The following CSMD1 variants were observed in gnomAD, a reference collection of about 807,000 sequenced individuals.
The protein encoded by CSMD1 is CUB and Sushi multiple domains 1, also known as CUB and sushi domain-containing protein 1.
Under a neutral mutation model 417.5 loss-of-function variants are expected in CSMD1, and 213 were observed. The observed-to-expected ratio is 0.51, with a 90% CI of 0.46 to 0.57. CSMD1 has a LOEUF of 0.57. CSMD1 is among the 20% of genes least tolerant of loss of function. CSMD1 has a pLI of 0.00. For synonymous variants in CSMD1, 2,862 were observed against 1,736.8 expected (o/e 1.65, Z -16.11); for missense variants, 6,923 against 4,529.7 (o/e 1.53, Z -15.17).
intron 1 of CSMD1, among the ~76,000 whole-genome samples, chr8:4,908,473 C>G (rs917643429): frequency 1.3e-5 from 2 of 152,082 alleles, no homozygotes; most frequent in Non-Finnish European, 1.5e-5. Flanking sequence ...TTTTAGTATT[C>G]CAATGAATTT....
chr8:3,986,669 G>T (rs192369238), intron 5 of CSMD1, among the ~76,000 whole-genome samples: 7 of 152,178 alleles, frequency 4.6e-5, no homozygotes, highest in Admixed American at 4.6e-4. Flanking sequence ...AGATATGAGG[G>T]ACAGAGTGAA....
intron 2 of CSMD1, among the ~76,000 whole-genome samples, chr8:4,498,990 G>T (rs1483959789): frequency 1.3e-5 from 2 of 152,090 alleles, no homozygotes; most frequent in African/African-American, 4.8e-5. Context: ...TTAAAAAAAA[G>T]TAATTGAAAC....
At chr8:4,761,366 T>A (rs1319524767) in intron 1 of CSMD1, among the ~76,000 whole-genome samples, 4 of 123,198 alleles carry the variant, frequency 3.2e-5, no homozygotes, top group Non-Finnish European at 6.7e-5. Flanking sequence ...GAAATCGTGT[T>A]ACTTGGTGTG....
chr8:3,285,722 A>G (rs1005864914), intron 25 of CSMD1, among the ~76,000 whole-genome samples: 3 of 151,996 alleles, frequency 2.0e-5, no homozygotes, highest in Non-Finnish European at 4.4e-5. Flanking sequence ...AAAACAAAAA[A>G]TCTTATACAT....
intron 3 of CSMD1, among the ~76,000 whole-genome samples, chr8:4,107,374 G>C (rs912910384): frequency 1.3e-5 from 2 of 152,150 alleles, no homozygotes; most frequent in Admixed American, 6.5e-5. Flanking sequence ...AGAGGATAAA[G>C]TCCTCTCTAT....
intron 1 of CSMD1, among the ~76,000 whole-genome samples, chr8:4,821,197 G>A (rs993161627): frequency 1.3e-5 from 2 of 152,134 alleles, no homozygotes; most frequent in South Asian, 2.1e-4. Context: ...TGACATTCAG[G>A]TCACGTCATG....
Position 4,918,840 on chromosome 8 carries a change from T to G in CSMD1, c.85+75492A>C, listed in dbSNP as rs183333322. 2.7e-3 allele frequency among the ~76,000 whole-genome samples: 412 copies of G among 152,332 alleles called. 1 individual carries two copies. Among genetic ancestry groups the G allele is most frequent in the African/African-American group, 9.5e-3 (395 of 41,576 alleles). On this transcript the variant is annotated intron_variant, in intron 1 of 69. Coordinates refer to ENST00000635120, the MANE Select transcript of CSMD1 (RefSeq NM_033225.6). The stretch of plus-strand genomic sequence containing the variant: ...ATGTTTGTACATATATGCAGATATA[T>G]ATTGTTCATATAATCACCACACACA...
chr8:3,864,072 T>C (rs1419712225), intron 5 of CSMD1, among the ~76,000 whole-genome samples: 1 of 152,134 alleles, frequency 6.6e-6, no homozygotes, highest in African/African-American at 2.4e-5. Flanking sequence ...CCAGATAATA[T>C]TTAAGTAAAC....
At chr8:4,578,279 G>T (rs1036307773) in intron 2 of CSMD1, among the ~76,000 whole-genome samples, 2 of 147,484 alleles carry the variant, frequency 1.4e-5, no homozygotes, top group Non-Finnish European at 3.0e-5. Flanking sequence ...TCCTGCCTCA[G>T]CCTCCCGAGT....
chr8:3,760,055 G>A (rs1237398882), intron 5 of CSMD1, among the ~76,000 whole-genome samples: 3 of 152,088 alleles, frequency 2.0e-5, no homozygotes, highest in South Asian at 4.2e-4. Flanking sequence ...AACGGAGCTT[G>A]CCAGGTCAGG....
chr8:4,666,899 G>C (rs757371165), intron 1 of CSMD1, among the ~76,000 whole-genome samples: 11 of 151,798 alleles, frequency 7.2e-5, no homozygotes, highest in Non-Finnish European at 1.2e-4. Flanking sequence ...CCTGCTTTTT[G>C]TGTGTTACCT....
intron 1 of CSMD1, among the ~76,000 whole-genome samples, chr8:4,750,059 T>C (rs56197347): frequency 0.3 from 45,995 of 151,524 alleles, 7,173 homozygotes; most frequent in African/African-American, 0.38. Context: ...CAGGCTGGAG[T>C]GCAGTGGGCG....
intron 2 of CSMD1, among the ~76,000 whole-genome samples, chr8:4,567,446 C>T (rs1798666092): frequency 1.3e-5 from 2 of 152,168 alleles, no homozygotes; most frequent in Admixed American, 6.5e-5. Flanking sequence ...CCTACCTCGT[C>T]TCTTTTCTTG....
At position 3,610,467 on chromosome 8, in the gene CSMD1, C is replaced by T. The variant is rs186447089; in HGVS notation, c.1097+6243G>A. Among the ~76,000 whole-genome samples the T allele has an allele frequency of 9.3e-3, 413 of 44,358 alleles. 5 individuals are homozygous for T. The highest frequency in any genetic ancestry group is 0.065 in the Admixed American group (364 of 5,630). The allele number at this position is 44,358 out of a possible 152,430, so 29.1% of individuals were successfully genotyped here. Reference sequence around the variant, plus strand: ...GGACGATCATTTGAGCCCTGGAGTTCGAGATTACAGTACTCCAGGCTGAGT... The same window carrying T: ...GGACGATCATTTGAGCCCTGGAGTTTGAGATTACAGTACTCCAGGCTGAGT... On this transcript the variant is annotated intron_variant, in intron 8 of 69. Transcript: ENST00000635120.
At chr8:4,185,489 A>C (rs1420550962) in intron 3 of CSMD1, among the ~76,000 whole-genome samples, 1 of 152,212 alleles carries the variant, frequency 6.6e-6, no homozygotes, top group Non-Finnish European at 1.5e-5. Flanking sequence ...AGATCCATTC[A>C]GGGAATCCGA....
intron 6 of CSMD1, among the ~76,000 whole-genome samples, chr8:3,725,120 G>C (rs1055796725): frequency 1.3e-5 from 2 of 152,196 alleles, no homozygotes; most frequent in Non-Finnish European, 2.9e-5. Context: ...TTCAGCAAAG[G>C]AGGTAGACAC....
intron 5 of CSMD1, among the ~76,000 whole-genome samples, chr8:3,852,940 A>G (rs972586215): frequency 2.0e-5 from 3 of 152,034 alleles, no homozygotes; most frequent in African/African-American, 7.2e-5. Flanking sequence ...CTCACTAAAT[A>G]TTGCTCCATT....
At chr8:3,387,349 C>T (rs1012998159) in intron 18 of CSMD1, 145 bp downstream of exon 18, 4 of 607,274 alleles carry the variant, frequency 6.6e-6, no homozygotes, top group Non-Finnish European at 1.1e-5. Context: ...GGGAATGATA[C>T]GATGATGGTA....
At chr8:4,119,265 A>C (rs1321403760) in intron 3 of CSMD1, among the ~76,000 whole-genome samples, 6 of 152,220 alleles carry the variant, frequency 3.9e-5, no homozygotes, top group African/African-American at 1.4e-4. Flanking sequence ...AATTAAAAAA[A>C]AAATAGAAAC....
Sources: allele counts gnomAD v4.1 joint callset (sites outside exome capture counted in the v4.1 genomes callset), GRCh38; gene constraint gnomAD v4.1.1; transcripts MANE v1.5; gene names NCBI Gene and HGNC (gene_info 2026-07-23, HGNC 2026-07-21).